TJP3: variants seen among roughly 807,000 people sequenced by gnomAD.
TJP3 encodes the protein tight junction protein ZO-3.
Under a neutral mutation model 104.2 loss-of-function variants are expected in TJP3, and 85 were observed. That is an observed-to-expected ratio of 0.82 (90% CI 0.68 to 0.98). TJP3 has a LOEUF of 0.98. TJP3 is among the 50% of genes least tolerant of loss of function. TJP3 has a pLI of 0.00. For synonymous variants in TJP3, 550 were observed against 550.6 expected (o/e 1.00, Z 0.02); for missense variants, 1,367 against 1,322.8 (o/e 1.03, Z -0.52).
chr19:3,719,511 T>A (rs1320660833), intron 1 of TJP3, among the ~76,000 whole-genome samples: 1 of 151,300 alleles, frequency 6.6e-6, no homozygotes, highest in Non-Finnish European at 1.5e-5. Flanking sequence ...CGAGGTGGGC[T>A]AATCACTTGA....
At chr19:3,726,492 G>A (rs1211282012) in intron 1 of TJP3, among the ~76,000 whole-genome samples, 1 of 152,032 alleles carries the variant, frequency 6.6e-6, no homozygotes, top group Admixed American at 6.6e-5. Context: ...CCAGCTACTT[G>A]GGAGGCTGAG....
In TJP3 at chr19:3,746,248, G is replaced by A. The variant is rs2036885719; in HGVS notation, c.2010+167G>A. 1.3e-5 allele frequency among the ~76,000 whole-genome samples: 2 copies of A among 152,080 alleles called. No homozygotes were observed. Among genetic ancestry groups the A allele is most frequent in the South Asian group, 2.1e-4 (1 of 4,826 alleles). On this transcript the variant is annotated intron_variant, in intron 16 of 20. Transcript: ENST00000541714. The surrounding 1 kb of genome is among the most constrained non-coding windows in gnomAD (Gnocchi z 4.1). ...GGCAGGAGGCCCGAGACAGACAAGG[G>A]CTTCTCGGAGTCAAACAGCAGCCAG...
In TJP3 at chr19:3,736,270, G is replaced by C; in HGVS notation, c.1233G>C (p.Ala411=). The C allele has an allele frequency of 6.5e-7, 1 of 1,544,256 alleles. No homozygotes were observed. Among genetic ancestry groups the C allele is most frequent in the Non-Finnish European group, 8.7e-7 (1 of 1,148,434 alleles). The change falls in exon 11 of 21, where the codon GCG becomes GCC. Residue 411 remains alanine, a synonymous_variant. Coordinates refer to ENST00000541714, the MANE Select transcript of TJP3 (RefSeq NM_001267560.2). The stretch of plus-strand genomic sequence containing the variant: ...GCATCTTCGTGTCCGGGGTGCAGGC[G>C]GGCAGCCCGGCCGACGGGCAGGGCA... ...DVGIFVSGVQ[A]GSPADGQGIQ... is the part of the protein sequence containing the mutation.
At chr19:3,713,246 G>A (rs1452197143) in intron 1 of TJP3, among the ~76,000 whole-genome samples, 1 of 152,118 alleles carries the variant, frequency 6.6e-6, no homozygotes, top group Non-Finnish European at 1.5e-5. Flanking sequence ...CCACCTGGCT[G>A]CCCTCCATCT....
chr19:3,718,265 GTGTA>G (rs1037419862), intron 1 of TJP3, among the ~76,000 whole-genome samples: 2 of 132,372 alleles, frequency 1.5e-5, no homozygotes, highest in South Asian at 5.0e-4. Flanking sequence ...GTCTGTGTGT[GTGTA>G]GAGATGGAAG....
At chr19:3,750,303 C>A in intron 20 of TJP3, 119 bp downstream of exon 20, 1 of 1,286,912 alleles carries the variant, frequency 7.8e-7, no homozygotes, top group Non-Finnish European at 1.1e-6. Flanking sequence ...GTGGGGAAGA[C>A]AGAGCCTGCC....
intron 1 of TJP3, among the ~76,000 whole-genome samples, chr19:3,718,816 T>C (rs1416404514): frequency 6.6e-6 from 1 of 152,086 alleles, no homozygotes; most frequent in African/African-American, 2.4e-5. Flanking sequence ...GCCACGAACC[T>C]TGACGTGTGC....
In TJP3 at chr19:3,745,903, A is replaced by C. The variant is rs953515779; in HGVS notation, c.1940-108A>C. ...TGCTGTTAGGATTTCTCTCCAGGGCAATGGGGAGCCATGGTGGCTTCTTGA... is the reference window on the plus strand; with the variant it reads ...TGCTGTTAGGATTTCTCTCCAGGGCCATGGGGAGCCATGGTGGCTTCTTGA... On this transcript the variant is annotated intron_variant, in intron 15 of 20. Transcript: ENST00000541714. The C allele has an allele frequency of 4.6e-5, 41 of 884,546 alleles. No homozygotes were observed. The African/African-American group carries it at 5.9e-4, about 13-fold the overall frequency. The allele number at this position is 884,546 out of a possible 1,614,324, so 54.8% of individuals were successfully genotyped here.
At chr19:3,724,915 C>A (rs1402438108) in intron 1 of TJP3, among the ~76,000 whole-genome samples, 1 of 151,954 alleles carries the variant, frequency 6.6e-6, no homozygotes, top group African/African-American at 2.4e-5. Flanking sequence ...GAAAAATAAG[C>A]TCAGAAGAAA....
chr19:3,726,918 T>G (rs1276262632), intron 1 of TJP3, among the ~76,000 whole-genome samples: 11 of 151,412 alleles, frequency 7.3e-5, no homozygotes, highest in Admixed American at 7.3e-4. Context: ...AGACTCCATC[T>G]CTACAAACAA....
At chr19:3,742,031 G>A (rs2036828717) in intron 14 of TJP3, among the ~76,000 whole-genome samples, 1 of 152,090 alleles carries the variant, frequency 6.6e-6, no homozygotes, top group African/African-American at 2.4e-5. Flanking sequence ...GACAGGAAGG[G>A]GGTTCATTCC....
chr19:3,734,771 G>A (rs150986428), intron 8 of TJP3, among the ~76,000 whole-genome samples: 3,258 of 152,152 alleles, frequency 0.021, 165 homozygotes, highest in Admixed American at 0.12. Context: ...CCTGGCCAAC[G>A]TGGTGAAACC....
rs375243066 is a variant in TJP3, at chr19:3,746,649, C to T, written c.2175C>T (p.Tyr725=). 1.8e-5 allele frequency: 29 copies of T among 1,613,382 alleles called. No homozygotes were observed. In the Admixed American group the frequency reaches 2.0e-4, roughly 11 times the overall value. ...PASRRSTRRL[Y]AQAQKLRKHS... is the part of the protein sequence containing the mutation. ...CCCGCCGCAGCACCCGTCGCCTCTA[C>T]GCACAAGCCCAGAAGCTGCGAAAAC... Residue 725 remains tyrosine (Y), a synonymous_variant, in exon 17 of 21, where the codon TAC becomes TAT. Coordinates refer to ENST00000541714, the MANE Select transcript of TJP3 (RefSeq NM_001267560.2). The surrounding 1 kb of genome is among the most constrained non-coding windows in gnomAD (Gnocchi z 4.1).
chr19:3,734,469 G>A (rs772205601), intron 8 of TJP3, 34 bp downstream of exon 8: 4 of 1,549,036 alleles, frequency 2.6e-6, no homozygotes, highest in Admixed American at 1.9e-5. Flanking sequence ...ATGGTGATAG[G>A]GAGGGAGAGG....
Position 3,746,105 on chromosome 19 carries a change from C to G in TJP3, c.2010+24C>G. 6.3e-7 allele frequency: 1 copy of G among 1,590,296 alleles called. No individual in the cohort carries two copies. The highest frequency in any genetic ancestry group is 8.6e-7 in the Non-Finnish European group (1 of 1,166,802). Reference sequence around the variant, plus strand: ...AAGTAAGCCGGGTCCTGCTACGGGTCCCATTTCATGGATGGGGGAAACCGA... The same window carrying G: ...AAGTAAGCCGGGTCCTGCTACGGGTGCCATTTCATGGATGGGGGAAACCGA... On this transcript the variant is annotated intron_variant, in intron 16 of 20. Coordinates refer to ENST00000541714, the MANE Select transcript of TJP3 (RefSeq NM_001267560.2). The surrounding 1 kb of genome is among the most constrained non-coding windows in gnomAD (Gnocchi z 4.1).
intron 15 of TJP3, 151 bp downstream of exon 15, chr19:3,744,185 C>T: frequency 1.5e-6 from 1 of 662,512 alleles, no homozygotes; most frequent in Non-Finnish European, 2.6e-6. Flanking sequence ...CAGACATCCT[C>T]AATCCATCTT....
intron 1 of TJP3, among the ~76,000 whole-genome samples, chr19:3,717,467 G>A (rs949816094): frequency 2.0e-4 from 30 of 147,902 alleles, no homozygotes; most frequent in Middle Eastern, 3.3e-3. Context: ...TGTGCTGTCT[G>A]CCCTGTCACC....
Position 3,730,422 on chromosome 19 carries a change from A to G in TJP3, c.329A>G (p.Gln110Arg). ...GCCAGCCCCTCCAGCCCAGGGCGCCAGGACTCGGATGAAGACGATGGGCCC... is the reference window on the plus strand; with the variant it reads ...GCCAGCCCCTCCAGCCCAGGGCGCCGGGACTCGGATGAAGACGATGGGCCC... ...TKASPSSPGR[Q>R]DSDEDDGPQR... Residue 110 changes from glutamine to arginine, a missense_variant, in exon 5 of 21, where the codon CAG (glutamine) becomes CGG (arginine). Physicochemically the swap from Gln to Arg is conservative, Grantham distance 43 (BLOSUM62 1). Transcript: ENST00000541714. The surrounding 1 kb of genome is among the most constrained non-coding windows in gnomAD (Gnocchi z 7.3). 3 of 1,589,498 alleles carry G rather than the reference A, an allele frequency of 1.9e-6. No homozygotes were observed. Among genetic ancestry groups the G allele is most frequent in the East Asian group, 2.3e-5 (1 of 44,094 alleles).
chr19:3,746,627 G>A lies in TJP3; in HGVS notation c.2153G>A (p.Arg718His), dbSNP rs535212647. 1.1e-5 allele frequency: 18 copies of A among 1,613,074 alleles called. No homozygotes were observed. The highest frequency in any genetic ancestry group is 6.6e-5 in the South Asian group (6 of 91,054). Residue 718 changes from arginine to histidine, a missense_variant, in exon 17 of 21, where the codon CGC (arginine) becomes CAC (histidine). Physicochemically the swap from Arg to His is conservative, Grantham distance 29 (BLOSUM62 0). Transcript: ENST00000541714. The surrounding 1 kb of genome is among the most constrained non-coding windows in gnomAD (Gnocchi z 4.1). ...CGCCAGTGGCTGGCGCCTGCCTCCCGCCGCAGCACCCGTCGCCTCTACGCA... is the reference window on the plus strand; with the variant it reads ...CGCCAGTGGCTGGCGCCTGCCTCCCACCGCAGCACCCGTCGCCTCTACGCA... ...ALRQWLAPAS[R>H]RSTRRLYAQA...
Sources: allele counts gnomAD v4.1 joint callset (sites outside exome capture counted in the v4.1 genomes callset), GRCh38; gene constraint gnomAD v4.1.1; non-coding constraint Gnocchi (gnomAD v3.1); transcripts MANE v1.5; gene names NCBI Gene and HGNC (gene_info 2026-07-23, HGNC 2026-07-21).